The following GTF3C5 variants were observed in gnomAD, a reference collection of about 807,000 sequenced individuals.
The protein encoded by GTF3C5 is general transcription factor 3C polypeptide 5.
In GTF3C5, 47 loss-of-function variants were observed where a neutral mutation model predicts 61.0. That is an observed-to-expected ratio of 0.77 (90% CI 0.61 to 0.98). The LOEUF is 0.98. Ranked by LOEUF, GTF3C5 falls within the 50% of genes least tolerant of loss-of-function variation. GTF3C5 has a pLI of 0.00. For missense variants in GTF3C5, 659 were observed against 703.3 expected, an observed-to-expected ratio of 0.94 and a Z score of 0.71; for synonymous variants, 295 against 275.4, an observed-to-expected ratio of 1.07 and a Z score of -0.71.
chr9:133,048,321 C>G (rs1172065868), intron 3 of GTF3C5, among the ~76,000 whole-genome samples: 2 of 152,060 alleles, frequency 1.3e-5, no homozygotes, highest in East Asian at 1.9e-4. Flanking sequence ...ACAGTGAAAC[C>G]CTGTCTCTAC....
intron 8 of GTF3C5, 70 bp downstream of exon 8, chr9:133,054,879 C>T (rs1310054708): frequency 6.5e-7 from 1 of 1,536,554 alleles, no homozygotes; most frequent in Non-Finnish European, 8.8e-7. Flanking sequence ...TTGTGGGTGA[C>T]ACCTGGGGGG....
intron 3 of GTF3C5, among the ~76,000 whole-genome samples, chr9:133,048,233 C>T (rs1311783575): frequency 6.6e-6 from 1 of 152,222 alleles, no homozygotes; most frequent in East Asian, 1.9e-4. Context: ...CACGGTGGCT[C>T]ACACCTATAA....
At position 133,054,482 on chromosome 9, in the gene GTF3C5, A is replaced by G; in HGVS notation, c.1063A>G (p.Lys355Glu). The G allele has an allele frequency of 6.2e-7, 1 of 1,613,970 alleles. No homozygotes were observed. Among genetic ancestry groups the G allele is most frequent in the Non-Finnish European group, 8.5e-7 (1 of 1,179,854 alleles). The change falls in exon 7 of 11, where the codon AAG (lysine) becomes GAG (glutamate). Residue 355 changes from lysine (K) to glutamate (E), a missense_variant. Coordinates refer to ENST00000372097, the MANE Select transcript of GTF3C5 (RefSeq NM_012087.4). ...YNYSLPITVK[K>E]TSSQLVTMHD... ...CTACAGCCTCCCCATCACCGTCAAG[A>G]AGACATGTAAGCGTGCCAGGCGCCT... is the stretch of plus-strand genomic sequence containing the variant.
chr9:133,056,747 AC>A lies in GTF3C5; in HGVS notation c.1251-16del, dbSNP rs1564206048. 6.3e-7 allele frequency: 1 copy of A among 1,581,636 alleles called. No homozygotes were observed. The highest frequency in any genetic ancestry group is 8.6e-7 in the Non-Finnish European group (1 of 1,163,132). On this transcript the variant is annotated intron_variant, in intron 9 of 10. Coordinates refer to ENST00000372097, the MANE Select transcript of GTF3C5 (RefSeq NM_012087.4). ...ACCCGCCCTGGGACTTTATGTCCCA[AC>A]CCTCTCCCCACCCCCAGGTTGCAGA... is the stretch of plus-strand genomic sequence containing the variant.
In GTF3C5 at chr9:133,058,088, G is replaced by T. The variant is rs1006786356; in HGVS notation, c.*108G>T. ...ACAGTGCCCGGAATGGCCCTAGGAGGCCCTCTGAGGAGAGCTAGAGTCCCA... is the reference window on the plus strand; with the variant it reads ...ACAGTGCCCGGAATGGCCCTAGGAGTCCCTCTGAGGAGAGCTAGAGTCCCA... On this transcript the variant is annotated 3_prime_UTR_variant, in exon 11 of 11. Coordinates refer to ENST00000372097, the MANE Select transcript of GTF3C5 (RefSeq NM_012087.4). 6 of 1,545,988 alleles carry T rather than the reference G, an allele frequency of 3.9e-6. No homozygotes were observed. The highest frequency in any genetic ancestry group is 5.2e-6 in the Non-Finnish European group (6 of 1,150,426).
intron 4 of GTF3C5, among the ~76,000 whole-genome samples, chr9:133,051,236 G>T (rs777678558): frequency 1.3e-5 from 2 of 152,250 alleles, no homozygotes; most frequent in Non-Finnish European, 2.9e-5. Flanking sequence ...TGACATAAAC[G>T]TGGAGCTCTG....
chr9:133,033,421 G>C (rs1378076299), intron 1 of GTF3C5, among the ~76,000 whole-genome samples: 1 of 152,142 alleles, frequency 6.6e-6, no homozygotes, highest in East Asian at 1.9e-4. Flanking sequence ...ATCTGCTCAG[G>C]ATAAATGACT....
Position 133,054,394 on chromosome 9 carries a change from G to A in GTF3C5, c.989-14G>A, listed in dbSNP as rs750729425. 6.0e-5 allele frequency: 97 copies of A among 1,611,702 alleles called. No individual in the cohort carries two copies. The highest frequency in any genetic ancestry group is 1.6e-4 in the Middle Eastern group (1 of 6,078). On this transcript the variant is annotated splice_polypyrimidine_tract_variant and intron_variant, in intron 6 of 10. Transcript: ENST00000372097. Reference sequence around the variant, plus strand: ...CTGTGCCCGCCCACCTGACTTGCCCGCCCTCGCCTACAGGTTACGCCCCCA... The same window carrying A: ...CTGTGCCCGCCCACCTGACTTGCCCACCCTCGCCTACAGGTTACGCCCCCA...
In GTF3C5 at chr9:133,053,868, A is replaced by G. The variant is rs746350042; in HGVS notation, c.914A>G (p.Tyr305Cys). The G allele has an allele frequency of 2.5e-6, 4 of 1,613,348 alleles. No homozygotes were observed. Among genetic ancestry groups the G allele is most frequent in the Admixed American group, 1.7e-5 (1 of 59,918 alleles). Residue 305 changes from tyrosine (Y) to cysteine (C), a missense_variant, in exon 6 of 11, where the codon TAT becomes TGT. Tyr to Cys is a radical substitution (Grantham distance 194). Coordinates refer to ENST00000372097, the MANE Select transcript of GTF3C5 (RefSeq NM_012087.4). ...CGCAGCCTATGGATTCGATTTGGGT[A>G]TGACCCCCGAAAAAACCCAGATGCC... ...PWRSLWIRFGYDPRKNPDAKI... is the reference protein window; with the variant it reads ...PWRSLWIRFGCDPRKNPDAKI...
intron 1 of GTF3C5, among the ~76,000 whole-genome samples, chr9:133,038,309 C>T (rs893149655): frequency 6.6e-6 from 1 of 152,042 alleles, no homozygotes; most frequent in Non-Finnish European, 1.5e-5. Context: ...TCTACCCGGG[C>T]GTGTGGTTTC....
chr9:133,036,012 C>T (rs533273639), intron 1 of GTF3C5, among the ~76,000 whole-genome samples: 1 of 152,326 alleles, frequency 6.6e-6, no homozygotes, highest in African/African-American at 2.4e-5. Flanking sequence ...AAACAATTCA[C>T]ATGTTTGGGC....
At position 133,056,971 on chromosome 9, in the gene GTF3C5, G is replaced by C. The variant is rs545064620; in HGVS notation, c.1393+63G>C. 8.6e-5 allele frequency: 122 copies of C among 1,423,514 alleles called. 1 individual carries two copies. The South Asian group carries it at 1.7e-3, about 20-fold the overall frequency. The allele number at this position is 1,423,514 out of a possible 1,614,324, so 88.2% of individuals were successfully genotyped here. A position where few individuals can be genotyped will look rare whatever the true frequency, so the allele number is the denominator to read the frequency against. ...TGGTGATCTCCTTTGAGACAGAGGT[G>C]TCCCTAAGGGGACCCATTCCTGGGA... On this transcript the variant is annotated intron_variant, in intron 10 of 10. Coordinates refer to ENST00000372097, the MANE Select transcript of GTF3C5 (RefSeq NM_012087.4).
rs753812906 is a variant in GTF3C5 at position 133,053,896 on chromosome 9, G to A, written c.942G>A (p.Lys314=). 1.7e-5 allele frequency: 28 copies of A among 1,613,320 alleles called. No individual in the cohort carries two copies. Among genetic ancestry groups the A allele is most frequent in the Non-Finnish European group, 2.4e-5 (28 of 1,179,414 alleles). Residue 314 remains lysine, a synonymous_variant, in exon 6 of 11, where the codon AAG becomes AAA. Transcript: ENST00000372097. ...GYDPRKNPDA[K]IYQVLDFRIR... is the part of the protein sequence containing the mutation. ...ACCCCCGAAAAAACCCAGATGCCAA[G>A]ATTTATCAAGTCCTCGATTTCCGAA...
Position 133,057,980 on chromosome 9 carries a change from A to G in GTF3C5, c.1560A>G (p.Ter520TrpextTer42). The G allele has an allele frequency of 1.2e-6, 2 of 1,613,830 alleles. No individual in the cohort carries two copies. The highest frequency in any genetic ancestry group is 1.7e-6 in the Non-Finnish European group (2 of 1,179,982). The change falls in exon 11 of 11, where the codon TGA becomes TGG. Residue 520 changes from the stop codon to tryptophan, a stop_lost. Coordinates refer to ENST00000372097, the MANE Select transcript of GTF3C5 (RefSeq NM_012087.4). The part of the protein sequence containing the change: ...EMETEILDYV[*>W] ...AGACAGAGATTCTGGACTACGTGTG[A>G]CAGGGCCCAAGGCTGGGCCTCCCTG...
In GTF3C5 at chr9:133,054,444, G is replaced by A. The variant is rs1041485353; in HGVS notation, c.1025G>A (p.Arg342His). 43 of 1,614,042 alleles carry A rather than the reference G, an allele frequency of 2.7e-5. No homozygotes were observed. The highest frequency in any genetic ancestry group is 3.6e-5 in the Non-Finnish European group (42 of 1,180,022). ...APSDLPVKAK[R>H]STYNYSLPIT... The stretch of plus-strand genomic sequence containing the variant: ...AGTGACTTGCCGGTCAAAGCAAAGC[G>A]CAGCACCTACAACTACAGCCTCCCC... Residue 342 changes from arginine (R) to histidine (H), a missense_variant, in exon 7 of 11, where the codon CGC (arginine) becomes CAC (histidine). Transcript: ENST00000372097.
chr9:133,049,872 C>T (rs528654323), intron 3 of GTF3C5, among the ~76,000 whole-genome samples: 2 of 152,118 alleles, frequency 1.3e-5, no homozygotes, highest in Non-Finnish European at 2.9e-5. Flanking sequence ...TCAGCCTCCC[C>T]CGTGATCAGC....
rs200931106 is a variant in GTF3C5 at position 133,050,937 on chromosome 9, A to G, written c.727A>G (p.Thr243Ala). Residue 243 changes from threonine to alanine, a missense_variant, in exon 4 of 11, where the codon ACT (threonine) becomes GCT (alanine). By Grantham distance (58) the Thr-to-Ala change is moderately conservative. Coordinates refer to ENST00000372097, the MANE Select transcript of GTF3C5 (RefSeq NM_012087.4). ...AAAQTWRRVC[T>A]NPVDRKVEEE... is the part of the protein sequence containing the mutation. ...AGCCCAGACGTGGAGGAGAGTCTGC[A>G]CTAACCCCGTGGACCGGAAGGTGGA... The G allele has an allele frequency of 3.7e-6, 6 of 1,613,152 alleles. 1 individual carries two copies. In the East Asian group the frequency reaches 1.3e-4, roughly 36 times the overall value.
chr9:133,051,096 C>T (rs930725332), intron 4 of GTF3C5, 118 bp downstream of exon 4: 37 of 683,150 alleles, frequency 5.4e-5, no homozygotes, highest in African/African-American at 1.1e-4. Context: ...TTTACCCATT[C>T]CTTAGTGCAT....
intron 1 of GTF3C5, among the ~76,000 whole-genome samples, chr9:133,039,647 C>T (rs982399549): frequency 2.6e-5 from 4 of 152,234 alleles, no homozygotes; most frequent in African/African-American, 9.6e-5. Flanking sequence ...TCAAGCGATC[C>T]GCCTGCCTTG....
Sources: allele counts gnomAD v4.1 joint callset (sites outside exome capture counted in the v4.1 genomes callset), GRCh38; gene constraint gnomAD v4.1.1; transcripts MANE v1.5; gene names NCBI Gene and HGNC (gene_info 2026-07-23, HGNC 2026-07-21).